Variants in MSRA observed in about 807,000 individuals in gnomAD.
The protein encoded by MSRA is methionine sulfoxide reductase A, also known as mitochondrial peptide methionine sulfoxide reductase.
In MSRA, 54 loss-of-function variants were observed where a neutral mutation model predicts 31.3. The observed-to-expected ratio is 1.73, with a 90% CI of 1.39 to 2.17. The LOEUF (loss-of-function observed/expected upper bound fraction) is 2.17, where lower values mean the gene tolerates loss of function less well. Ranked by LOEUF, MSRA falls within the 30% of genes most tolerant of loss-of-function variation. The probability of loss-of-function intolerance (pLI) is 0.00; values close to 1 mark genes in which losing one functional copy is unlikely to be tolerated. For missense variants in MSRA, 507 were observed against 300.9 expected, an observed-to-expected ratio of 1.69 and a Z score of -5.07; for synonymous variants, 169 against 116.5, an observed-to-expected ratio of 1.45 and a Z score of -2.90.
At chr8:10,194,064 G>A (rs533507020) in intron 1 of MSRA, among the ~76,000 whole-genome samples, 1 of 152,276 alleles carries the variant, frequency 6.6e-6, no homozygotes, top group South Asian at 2.1e-4. Context: ...CAGAAAGGAT[G>A]AGAGGGAAGA....
chr8:10,072,801 G>T (rs572379385), intron 1 of MSRA, among the ~76,000 whole-genome samples: 1 of 152,262 alleles, frequency 6.6e-6, no homozygotes, highest in African/African-American at 2.4e-5. Context: ...TCAGTGTATA[G>T]ATCTTGTGCA....
At chr8:10,253,859 T>C (rs7008799) in intron 3 of MSRA, among the ~76,000 whole-genome samples, 79,886 of 151,592 alleles carry the variant, frequency 0.53, 22,721 homozygotes, top group Non-Finnish European at 0.64. Flanking sequence ...CTTTTTTTTT[T>C]CTAAGTTACA....
chr8:10,291,637 G>T (rs756440777), intron 3 of MSRA, among the ~76,000 whole-genome samples: 8 of 152,146 alleles, frequency 5.3e-5, no homozygotes, highest in Middle Eastern at 3.4e-3. Context: ...TTTGAATCTC[G>T]TGTGGGAAAA....
intron 2 of MSRA, among the ~76,000 whole-genome samples, chr8:10,243,142 G>A (rs1376997676): frequency 6.6e-6 from 1 of 152,200 alleles, no homozygotes. Context: ...AAAATGGCCT[G>A]CCACGGACCT....
intron 1 of MSRA, among the ~76,000 whole-genome samples, chr8:10,162,821 G>A (rs911455859): frequency 1.3e-5 from 2 of 152,112 alleles, no homozygotes; most frequent in Non-Finnish European, 2.9e-5. Flanking sequence ...CTTGCCCAAG[G>A]CCACACAGGT....
intron 3 of MSRA, among the ~76,000 whole-genome samples, chr8:10,288,404 G>T (rs192611460): frequency 2.5e-4 from 38 of 152,268 alleles, no homozygotes; most frequent in Non-Finnish European, 4.6e-4. Context: ...ATAATTTATA[G>T]AATCAGGTGG....
At chr8:10,296,164 C>T (rs955527993) in intron 3 of MSRA, among the ~76,000 whole-genome samples, 2 of 152,054 alleles carry the variant, frequency 1.3e-5, no homozygotes, top group Non-Finnish European at 2.9e-5. Flanking sequence ...GTGCCCAGAC[C>T]AGTAGTACAC....
intron 5 of MSRA, among the ~76,000 whole-genome samples, chr8:10,392,089 T>G (rs1168740997): frequency 1.3e-5 from 2 of 152,144 alleles, no homozygotes; most frequent in African/African-American, 4.8e-5. Flanking sequence ...ACTGGCTTCT[T>G]AGTGGAAGGC....
chr8:10,381,559 T>C (rs564728212), intron 5 of MSRA, among the ~76,000 whole-genome samples: 8 of 152,348 alleles, frequency 5.3e-5, no homozygotes, highest in Admixed American at 2.0e-4. Context: ...CAAATCCATC[T>C]GCTGTCCTGG....
chr8:10,099,577 G>A (rs897919837), intron 1 of MSRA, among the ~76,000 whole-genome samples: 10 of 152,212 alleles, frequency 6.6e-5, no homozygotes, highest in Admixed American at 6.5e-4. Context: ...GAAATAAACT[G>A]AGTGGCGAAC....
chr8:10,104,361 C>T (rs779279964), intron 1 of MSRA, among the ~76,000 whole-genome samples: 2 of 152,182 alleles, frequency 1.3e-5, no homozygotes, highest in Non-Finnish European at 2.9e-5. Flanking sequence ...GACACAGCCT[C>T]AGGAGGTCCT....
At chr8:10,290,333 G>C (rs1370798905) in intron 3 of MSRA, among the ~76,000 whole-genome samples, 1 of 152,116 alleles carries the variant, frequency 6.6e-6, no homozygotes, top group Non-Finnish European at 1.5e-5. Flanking sequence ...GAATTAGAGA[G>C]TGCCCTGTCT....
At chr8:10,126,972 C>T (rs1286777446) in intron 1 of MSRA, among the ~76,000 whole-genome samples, 1 of 152,206 alleles carries the variant, frequency 6.6e-6, no homozygotes, top group Non-Finnish European at 1.5e-5. Context: ...TCCTGCTGTG[C>T]GGCCTGGTTC....
At chr8:10,100,872 G>A (rs900193573) in intron 1 of MSRA, among the ~76,000 whole-genome samples, 6 of 152,260 alleles carry the variant, frequency 3.9e-5, no homozygotes, top group East Asian at 3.9e-4. Flanking sequence ...TACCCCTTAT[G>A]TGTGGATCTG....
chr8:10,170,121 G>A (rs1805472547), intron 1 of MSRA, among the ~76,000 whole-genome samples: 1 of 148,722 alleles, frequency 6.7e-6, no homozygotes, highest in African/African-American at 2.5e-5. Flanking sequence ...CCTGACCTCA[G>A]GTGATCTGCC....
intron 1 of MSRA, among the ~76,000 whole-genome samples, chr8:10,083,702 G>A (rs761997280): frequency 6.6e-6 from 1 of 151,716 alleles, no homozygotes; most frequent in Non-Finnish European, 1.5e-5. Flanking sequence ...TCCTTATTCT[G>A]ACAGTTTTAT....
At chr8:10,128,927 C>T (rs916766386) in intron 1 of MSRA, among the ~76,000 whole-genome samples, 1 of 152,192 alleles carries the variant, frequency 6.6e-6, no homozygotes, top group Non-Finnish European at 1.5e-5. Flanking sequence ...GACATTCAGT[C>T]TCCTTGGTAA....
chr8:10,364,263 G>A (rs1805031063), intron 5 of MSRA, among the ~76,000 whole-genome samples: 1 of 152,196 alleles, frequency 6.6e-6, no homozygotes, highest in Non-Finnish European at 1.5e-5. Context: ...GATTTGGTTA[G>A]ACTGTCATCC....
At chr8:10,172,102 G>C (rs1214374675) in intron 1 of MSRA, among the ~76,000 whole-genome samples, 3 of 152,204 alleles carry the variant, frequency 2.0e-5, no homozygotes, top group African/African-American at 7.2e-5. Context: ...TTGTAGCCGG[G>C]GTCAGGAATG....
Sources: gnomAD v4.1 joint callset for allele counts (sites outside exome capture counted in the v4.1 genomes callset) on GRCh38, gnomAD v4.1.1 for gene constraint, MANE v1.5 for transcripts, NCBI Gene and HGNC (gene_info 2026-07-23, HGNC 2026-07-21) for gene names.